Variants in DAAM2 observed in about 807,000 individuals in gnomAD.
The protein encoded by DAAM2 is dishevelled associated activator of morphogenesis 2.
In DAAM2, 39 loss-of-function variants were observed where a neutral mutation model predicts 120.7. The observed-to-expected ratio is 0.32, with a 90% CI of 0.25 to 0.42. DAAM2 has a LOEUF of 0.42. Ranked by LOEUF, DAAM2 falls within the 10% of genes least tolerant of loss-of-function variation. The pLI is 1.00. For synonymous variants in DAAM2, 488 were observed against 524.9 expected (o/e 0.93, Z 0.96); for missense variants, 1,283 against 1,401.7 (o/e 0.92, Z 1.35).
Position 39,875,421 on chromosome 6 carries a change from T to C in DAAM2, c.1254T>C (p.Pro418=), listed in dbSNP as rs773092030. 37 of 1,613,870 alleles carry C rather than the reference T, an allele frequency of 2.3e-5. No individual in the cohort carries two copies. The highest frequency in any genetic ancestry group is 3.1e-5 in the Non-Finnish European group (36 of 1,179,876). Residue 418 remains proline (P), a synonymous_variant, in exon 11 of 25, where the codon CCT becomes CCC. Coordinates refer to ENST00000274867, the MANE Select transcript of DAAM2 (RefSeq NM_001201427.2). The part of the protein sequence containing the change: ...IVLQDERGVD[P]DLAPLENFNV... ...TCCAGGATGAGCGGGGTGTGGACCC[T>C]GACCTGGCTCCCTTGGAGAACTTCA...
chr6:39,800,660 C>T (rs146618450), intron 1 of DAAM2, among the ~76,000 whole-genome samples: 1,829 of 152,284 alleles, frequency 0.012, 46 homozygotes, highest in African/African-American at 0.042. Flanking sequence ...CTTGCTGTGT[C>T]AGGCACTCCT....
At chr6:39,861,294 C>A in intron 3 of DAAM2, 1 of 477,154 alleles carries the variant, frequency 2.1e-6, no homozygotes. Context: ...GAAGCAGAGT[C>A]TGGACTCTCT....
In DAAM2 at chr6:39,901,885, G is replaced by A; in HGVS notation, c.3055G>A (p.Glu1019Lys). Residue 1019 changes from glutamate (E) to lysine (K), a missense_variant, in exon 25 of 25, where the codon GAG (glutamate) becomes AAG (lysine). Glu to Lys is a moderately conservative substitution (Grantham distance 56). Around this residue, in one of 3 missense-constraint regions of DAAM2, gnomAD observed 748 missense variants for 768.6 expected, o/e 0.97. Transcript: ENST00000274867. The surrounding 1 kb of genome is among the most constrained non-coding windows in gnomAD (Gnocchi z 4.5). ...KVLAAGSSLE[E>K]GGEFDDLVSA... Reference sequence around the variant, plus strand: ...CCTGGCTGCAGGCAGCTCGCTGGAGGAGGGAGGAGAGTTCGATGACCTGGT... The same window carrying A: ...CCTGGCTGCAGGCAGCTCGCTGGAGAAGGGAGGAGAGTTCGATGACCTGGT... 6.3e-7 allele frequency: 1 copy of A among 1,599,646 alleles called. No homozygotes were observed. Among genetic ancestry groups the A allele is most frequent in the East Asian group, 2.2e-5 (1 of 44,478 alleles).
intron 2 of DAAM2, among the ~76,000 whole-genome samples, chr6:39,860,643 A>AG (rs894266351): frequency 3.3e-5 from 5 of 152,202 alleles, no homozygotes; most frequent in Non-Finnish European, 5.9e-5. Flanking sequence ...GGCAGGGAAC[A>AG]GGGTGACCTG....
At chr6:39,879,718 A>C in intron 14 of DAAM2, 5 of 597,274 alleles carry the variant, frequency 8.4e-6, no homozygotes, top group East Asian at 2.9e-5. Context: ...TCATCTACAA[A>C]TGGAATTTGT....
At chr6:39,837,467 GTGCTGACCAATA>G in intron 1 of DAAM2, among the ~76,000 whole-genome samples, 1 of 151,902 alleles carries the variant, frequency 6.6e-6, no homozygotes. Flanking sequence ...GCCTCCCAAA[GTGCTGACCAATA>G]TGATGAAACC....
At chr6:39,825,437 CG>C (rs1281582859) in intron 1 of DAAM2, among the ~76,000 whole-genome samples, 3 of 51,208 alleles carry the variant, frequency 5.9e-5, no homozygotes, top group African/African-American at 3.5e-4. Context: ...AACACAAGGT[CG>C]GGGGGTTGGT....
chr6:39,871,450 C>T, intron 8 of DAAM2, 56 bp from the exon 9 acceptor site: 1 of 1,496,262 alleles, frequency 6.7e-7, no homozygotes. Context: ...TAACCCTCAA[C>T]CAAGGGTGTG....
intron 9 of DAAM2, among the ~76,000 whole-genome samples, chr6:39,872,427 T>C (rs1210416250): frequency 6.6e-6 from 1 of 152,196 alleles, no homozygotes; most frequent in African/African-American, 2.4e-5. Flanking sequence ...AGTTATTGCA[T>C]GTGATTAGTC....
chr6:39,878,371 T>C lies in DAAM2; in HGVS notation c.1361-33T>C. ...AGTCACATTACTCACATTCTCTCCTTCTGTTTCCTCTCCCGTCCCACCCCC... is the reference window on the plus strand; with the variant it reads ...AGTCACATTACTCACATTCTCTCCTCCTGTTTCCTCTCCCGTCCCACCCCC... On this transcript the variant is annotated intron_variant, in intron 12 of 24. Transcript: ENST00000274867. The surrounding 1 kb of genome is among the most constrained non-coding windows in gnomAD (Gnocchi z 5.0). 1 of 1,609,378 alleles carries C rather than the reference T, an allele frequency of 6.2e-7. No homozygotes were observed. Among genetic ancestry groups the C allele is most frequent in the Non-Finnish European group, 8.5e-7 (1 of 1,177,232 alleles).
chr6:39,794,141 A>G (rs1288243217), intron 1 of DAAM2, among the ~76,000 whole-genome samples: 1 of 152,204 alleles, frequency 6.6e-6, no homozygotes, highest in Non-Finnish European at 1.5e-5. Context: ...AAGTGTAATG[A>G]AGGAGGAGGA....
Position 39,870,325 on chromosome 6 carries a change from C to T in DAAM2, c.874-15C>T, listed in dbSNP as rs566309443. On this transcript the variant is annotated splice_polypyrimidine_tract_variant and intron_variant, in intron 7 of 24. Coordinates refer to ENST00000274867, the MANE Select transcript of DAAM2 (RefSeq NM_001201427.2). ...GATCTGCCAATGAGTCTGGCCCTCC[C>T]TTGGTGACCCCCAGGATAATCTGGA... The T allele has an allele frequency of 3.9e-6, 6 of 1,525,914 alleles. No individual in the cohort carries two copies. The East Asian group carries it at 1.4e-4, about 37-fold the overall frequency. 94.5% of individuals were successfully genotyped at this position (1,525,914 alleles called of 1,614,324 possible). A position where few individuals can be genotyped will look rare whatever the true frequency, so the allele number is the denominator to read the frequency against.
Position 39,881,444 on chromosome 6 carries a change from T to C in DAAM2, c.1845+1967T>C, listed in dbSNP as rs534499186. On this transcript the variant is annotated intron_variant, in intron 14 of 24. Coordinates refer to ENST00000274867, the MANE Select transcript of DAAM2 (RefSeq NM_001201427.2). ...TCCATCTCAAGAGATTGTAGCCGGGTGCGGTGGCTCACGCCTGTAATCCCA... is the reference window on the plus strand; with the variant it reads ...TCCATCTCAAGAGATTGTAGCCGGGCGCGGTGGCTCACGCCTGTAATCCCA... Among the ~76,000 whole-genome samples, 39 of 152,340 alleles carry C rather than the reference T, an allele frequency of 2.6e-4. No individual in the cohort carries two copies. The South Asian group carries it at 4.8e-3, about 19-fold the overall frequency.
At chr6:39,863,133 C>G (rs1265872596) in intron 3 of DAAM2, among the ~76,000 whole-genome samples, 1 of 151,898 alleles carries the variant, frequency 6.6e-6, no homozygotes, top group East Asian at 1.9e-4. Flanking sequence ...AAGGCAGAGA[C>G]CATGACTCTT....
chr6:39,904,578 G>C lies in DAAM2; in HGVS notation c.*2541G>C, dbSNP rs543296303. On this transcript the variant is annotated 3_prime_UTR_variant, in exon 25 of 25. Coordinates refer to ENST00000274867, the MANE Select transcript of DAAM2 (RefSeq NM_001201427.2). ...TCAGCAGCATTTCTCCCCTGTGATG[G>C]AAATAAAGTGTTTAGGGCAGTGGGA... The C allele has an allele frequency of 4.4e-6, 2 of 454,072 alleles. No individual in the cohort carries two copies. The highest frequency in any genetic ancestry group is 8.8e-6 in the Non-Finnish European group (2 of 226,928). The allele number at this position is 454,072 out of a possible 1,614,324, so 28.1% of individuals were successfully genotyped here.
At chr6:39,844,585 A>G (rs1160680519) in intron 1 of DAAM2, among the ~76,000 whole-genome samples, 2 of 152,142 alleles carry the variant, frequency 1.3e-5, no homozygotes, top group Admixed American at 6.5e-5. Flanking sequence ...TGGCGGATGT[A>G]AGCGTCCTTT....
In DAAM2 at chr6:39,834,083, G is replaced by A. The variant is rs142816001; in HGVS notation, c.-56-22164G>A. Among the ~76,000 whole-genome samples the A allele has an allele frequency of 4.2e-3, 643 of 152,298 alleles. 4 individuals carry two copies. The highest frequency in any genetic ancestry group is 0.014 in the African/African-American group (587 of 41,568). On this transcript the variant is annotated intron_variant, in intron 1 of 24. Transcript: ENST00000274867. The stretch of plus-strand genomic sequence containing the variant: ...TGCCTGAGGCTTTTGCTGCTTCTCA[G>A]AAATGAGTCTTGGGGTAATGGCTCT...
intron 1 of DAAM2, among the ~76,000 whole-genome samples, chr6:39,817,906 T>C (rs1387499032): frequency 6.6e-6 from 1 of 152,130 alleles, no homozygotes; most frequent in Admixed American, 6.5e-5. Flanking sequence ...TGGCTGGGCA[T>C]GGTGGCTCAC....
chr6:39,858,991 T>A (rs1764112208), intron 2 of DAAM2, among the ~76,000 whole-genome samples: 1 of 152,150 alleles, frequency 6.6e-6, no homozygotes, highest in Admixed American at 6.5e-5. Flanking sequence ...GACCGAGCAG[T>A]CAGCAGTCAG....
Sources: gnomAD v4.1 joint callset for allele counts (sites outside exome capture counted in the v4.1 genomes callset) on GRCh38, gnomAD v4.1.1 for gene constraint, gnomAD v4.1.1 regional missense constraint, Gnocchi (gnomAD v3.1) non-coding constraint, MANE v1.5 for transcripts, NCBI Gene and HGNC (gene_info 2026-07-23, HGNC 2026-07-21) for gene names.